The following MEGF9 variants were observed in gnomAD, a reference collection of about 807,000 sequenced individuals.
MEGF9 encodes the protein multiple epidermal growth factor-like domains protein 9.
Under a neutral mutation model 46.8 loss-of-function variants are expected in MEGF9, and 6 were observed. The ratio of observed to expected loss-of-function variants is 0.13; its 90% CI spans 0.07 to 0.25. MEGF9 has a LOEUF of 0.25. Ranked by LOEUF, MEGF9 falls within the 10% of genes least tolerant of loss-of-function variation. The pLI is 1.00. For missense variants in MEGF9, 683 were observed against 792.4 expected, an observed-to-expected ratio of 0.86 and a Z score of 1.66; for synonymous variants, 302 against 330.7, an observed-to-expected ratio of 0.91 and a Z score of 0.94.
intron 2 of MEGF9, among the ~76,000 whole-genome samples, chr9:120,649,828 G>T (rs1005489791): frequency 1.6e-4 from 24 of 152,132 alleles, no homozygotes; most frequent in African/African-American, 5.6e-4. Context: ...CAGTTTCCAA[G>T]AACCTACGAT....
rs967396447 is a variant in MEGF9 at position 120,605,555 on chromosome 9, T to A, written c.1444A>T (p.Ser482Cys). 2 of 1,610,816 alleles carry A rather than the reference T, an allele frequency of 1.2e-6. No homozygotes were observed. Among genetic ancestry groups the A allele is most frequent in the African/African-American group, 2.7e-5 (2 of 74,902 alleles). The change falls in exon 6 of 6, where the codon AGT (serine) becomes TGT (cysteine). Residue 482 changes from serine to cysteine, a missense_variant. Ser to Cys is a moderately radical substitution (Grantham distance 112). Around this residue, in one of 2 missense-constraint regions of MEGF9, gnomAD observed 313 missense variants for 421.1 expected, o/e 0.74. Transcript: ENST00000373930. This position sits in a 1 kb window ranked among gnomAD's most constrained non-coding sequence, Gnocchi z 4.0. ...TTSVPTPVIN[S>C]TFTPTTLQTI... ...TGCAGGGTTGTAGGGGTAAAAGTAC[T>A]ATTTATAACAGGGGTGGGCACTGAT...
chr9:120,628,359 T>C (rs2043534896), intron 2 of MEGF9, among the ~76,000 whole-genome samples: 1 of 152,124 alleles, frequency 6.6e-6, no homozygotes, highest in African/African-American at 2.4e-5. Context: ...GATAGCTTTA[T>C]TGTTGAAAAC....
At chr9:120,702,059 AAATT>A (rs937695343) in intron 1 of MEGF9, among the ~76,000 whole-genome samples, 5 of 152,042 alleles carry the variant, frequency 3.3e-5, no homozygotes, top group African/African-American at 7.2e-5. Flanking sequence ...AAAAAATAAA[AAATT>A]AATTAATTAA....
At chr9:120,622,872 C>T (rs919345400) in intron 2 of MEGF9, 117 bp from the exon 3 acceptor site, 1 of 980,484 alleles carries the variant, frequency 1.0e-6, no homozygotes, top group African/African-American at 1.6e-5. Flanking sequence ...CTTACCATAT[C>T]TCAAAGCCTT....
intron 1 of MEGF9, among the ~76,000 whole-genome samples, chr9:120,682,434 A>G (rs2132333504): frequency 1.3e-5 from 2 of 152,350 alleles, no homozygotes; most frequent in South Asian, 4.1e-4. Context: ...TAGTACAAAG[A>G]GAACAAAAGG....
intron 2 of MEGF9, among the ~76,000 whole-genome samples, chr9:120,653,854 G>A (rs1587985430): frequency 6.6e-6 from 1 of 152,198 alleles, no homozygotes; most frequent in African/African-American, 2.4e-5. Flanking sequence ...AAACTGAGAG[G>A]CTGAAGTATT....
intron 2 of MEGF9, among the ~76,000 whole-genome samples, chr9:120,629,119 A>G (rs2132307449): frequency 6.6e-6 from 1 of 152,272 alleles, no homozygotes; most frequent in East Asian, 1.9e-4. Flanking sequence ...AACTACAGGC[A>G]TGTGCCACCA....
At chr9:120,650,589 G>A (rs2043645338) in intron 2 of MEGF9, among the ~76,000 whole-genome samples, 1 of 152,172 alleles carries the variant, frequency 6.6e-6, no homozygotes, top group South Asian at 2.1e-4. Flanking sequence ...TCACTGGGGT[G>A]ACTCCCACTG....
intron 3 of MEGF9, among the ~76,000 whole-genome samples, chr9:120,621,912 G>A (rs765113157): frequency 1.4e-5 from 2 of 144,350 alleles, no homozygotes; most frequent in Non-Finnish European, 2.9e-5. Flanking sequence ...TAGCAAGCCT[G>A]TGTCTCCTTA....
At chr9:120,674,979 C>T (rs546425357) in intron 1 of MEGF9, among the ~76,000 whole-genome samples, 5 of 151,526 alleles carry the variant, frequency 3.3e-5, no homozygotes, top group African/African-American at 9.7e-5. Context: ...TCTGGATTCA[C>T]GCCATTTTCC....
chr9:120,632,132 G>C (rs2043553396), intron 2 of MEGF9, among the ~76,000 whole-genome samples: 1 of 152,024 alleles, frequency 6.6e-6, no homozygotes, highest in East Asian at 1.9e-4. Context: ...TCACCATATT[G>C]GCCAAGATGG....
At chr9:120,662,604 T>C (rs1187842980) in intron 1 of MEGF9, among the ~76,000 whole-genome samples, 1 of 152,250 alleles carries the variant, frequency 6.6e-6, no homozygotes, top group Non-Finnish European at 1.5e-5. Flanking sequence ...TTTTCTCCTG[T>C]AAACAGGGCA....
At position 120,605,827 on chromosome 9, in the gene MEGF9, G is replaced by A. The variant is rs1324116649; in HGVS notation, c.1358-186C>T. On this transcript the variant is annotated intron_variant, in intron 5 of 5. Coordinates refer to ENST00000373930, the MANE Select transcript of MEGF9 (RefSeq NM_001080497.3). This position sits in a 1 kb window ranked among gnomAD's most constrained non-coding sequence, Gnocchi z 4.0. ...TGATAAGGGTAAGAATCAGGGTCTA[G>A]AAAGCTAGATTATTACATCTATGGC... Among the ~76,000 whole-genome samples the A allele has an allele frequency of 6.6e-6, 1 of 152,162 alleles. No individual in the cohort carries two copies. Among genetic ancestry groups the A allele is most frequent in the African/African-American group, 2.4e-5 (1 of 41,430 alleles).
chr9:120,636,828 C>T (rs979935729), intron 2 of MEGF9, among the ~76,000 whole-genome samples: 2 of 149,012 alleles, frequency 1.3e-5, no homozygotes, highest in East Asian at 2.0e-4. Context: ...GGGGCGCCCC[C>T]GCCCGGCAGC....
chr9:120,702,254 T>C (rs982271171), intron 1 of MEGF9, among the ~76,000 whole-genome samples: 2 of 152,166 alleles, frequency 1.3e-5, no homozygotes, highest in Admixed American at 1.3e-4. Context: ...CTGACTCACT[T>C]AGACTAAACA....
intron 4 of MEGF9, among the ~76,000 whole-genome samples, chr9:120,609,408 G>A (rs920383125): frequency 1.3e-5 from 2 of 152,162 alleles, no homozygotes; most frequent in Non-Finnish European, 1.5e-5. Context: ...GTTTAGGATA[G>A]GGTTAGTCTA....
At chr9:120,694,379 A>G (rs2043865360) in intron 1 of MEGF9, among the ~76,000 whole-genome samples, 1 of 152,262 alleles carries the variant, frequency 6.6e-6, no homozygotes, top group African/African-American at 2.4e-5. Flanking sequence ...GTAATGAAGA[A>G]TTTAAAAGGA....
At chr9:120,634,996 C>T (rs1018628284) in intron 2 of MEGF9, among the ~76,000 whole-genome samples, 7 of 152,166 alleles carry the variant, frequency 4.6e-5, no homozygotes, top group African/African-American at 1.4e-4. Context: ...TCATGTAAGG[C>T]TGTTCTAGTG....
chr9:120,659,348 C>A, intron 2 of MEGF9, 26 bp downstream of exon 2: 1 of 1,594,956 alleles, frequency 6.3e-7, no homozygotes, highest in Non-Finnish European at 8.5e-7. Context: ...ATAAAATAAA[C>A]TTCAGTTCCA....
Sources: gnomAD v4.1 joint callset for allele counts (sites outside exome capture counted in the v4.1 genomes callset) on GRCh38, gnomAD v4.1.1 for gene constraint, gnomAD v4.1.1 regional missense constraint, Gnocchi (gnomAD v3.1) non-coding constraint, MANE v1.5 for transcripts, NCBI Gene and HGNC (gene_info 2026-07-23, HGNC 2026-07-21) for gene names.